Variants in ZNF653 observed in about 807,000 individuals in gnomAD.
ZNF653 encodes the protein zinc finger protein 653, also known as 67 kDa zinc finger protein.
ZNF653 carries 37 observed loss-of-function variants against 59.9 expected under a neutral mutation model. The observed-to-expected ratio is 0.62, with a 90% confidence interval of 0.48 to 0.81. The LOEUF is 0.81. Among genes scored for constraint, ZNF653 ranks in the 40% least tolerant of loss-of-function variants. ZNF653 has a pLI of 0.00. For missense variants in ZNF653, 808 were observed against 881.1 expected, an observed-to-expected ratio of 0.92 and a Z score of 1.05; for synonymous variants, 435 against 371.8, an observed-to-expected ratio of 1.17 and a Z score of -1.96.
intron 2 of ZNF653, 121 bp downstream of exon 2, chr19:11,498,175 C>G: frequency 1.5e-6 from 2 of 1,337,350 alleles, no homozygotes; most frequent in Non-Finnish European, 2.1e-6. Context: ...GGTTTGAGGT[C>G]GGGCTCTGCT....
At chr19:11,497,569 AG>A (rs1280551260) in intron 2 of ZNF653, among the ~76,000 whole-genome samples, 1 of 152,214 alleles carries the variant, frequency 6.6e-6, no homozygotes, top group Non-Finnish European at 1.5e-5. Flanking sequence ...CTGGGCACAC[AG>A]TGAGTGCTGG....
intron 3 of ZNF653, among the ~76,000 whole-genome samples, chr19:11,494,571 T>C (rs1971564944): frequency 6.6e-6 from 1 of 152,100 alleles, no homozygotes; most frequent in African/African-American, 2.4e-5. Flanking sequence ...ATGCCTGTAA[T>C]CCCAGCTACT....
chr19:11,486,793 GA>G lies in ZNF653; in HGVS notation c.1430del (p.Val477AlafsTer43). The G allele has an allele frequency of 6.2e-7, 1 of 1,610,228 alleles. No individual in the cohort carries two copies. Among genetic ancestry groups the G allele is most frequent in the Non-Finnish European group, 8.5e-7 (1 of 1,178,444 alleles). On this transcript the variant is annotated frameshift_variant, in exon 6 of 9. Transcript: ENST00000293771. LOFTEE classifies it high-confidence loss of function. ...FHCPYEGCSQ[V>X]YVALSSFQNH... ...CCTGGAAGCTGCTGAGGGCCACGTA[GA>G]CTTGGCTGCAGCCCTCGTATGGGCA...
intron 7 of ZNF653, 91 bp downstream of exon 7, chr19:11,485,565 A>G: frequency 1.0e-6 from 1 of 988,542 alleles, no homozygotes; most frequent in Non-Finnish European, 1.6e-6. Context: ...GAGACCCAGC[A>G]CTGGGCTTTG....
At chr19:11,483,906 G>A in intron 8 of ZNF653, 47 bp from the exon 9 acceptor site, 1 of 1,515,356 alleles carries the variant, frequency 6.6e-7, no homozygotes, top group Non-Finnish European at 8.9e-7. Flanking sequence ...AGTGGGCGGG[G>A]CGGGGCGGGG....
intron 3 of ZNF653, among the ~76,000 whole-genome samples, chr19:11,489,224 G>T (rs1032904549): frequency 6.6e-6 from 1 of 151,062 alleles, no homozygotes; most frequent in Non-Finnish European, 1.5e-5. Flanking sequence ...TTTTGAGATG[G>T]AGTCTCCCTC....
At chr19:11,496,243 G>A in intron 2 of ZNF653, 78 bp from the exon 3 acceptor site, 1 of 1,428,610 alleles carries the variant, frequency 7.0e-7, no homozygotes, top group Non-Finnish European at 9.6e-7. Context: ...AACCACCGGG[G>A]CTTTATGGGT....
chr19:11,491,428 T>C (rs1287353641), intron 3 of ZNF653, among the ~76,000 whole-genome samples: 1 of 152,166 alleles, frequency 6.6e-6, no homozygotes, highest in Non-Finnish European at 1.5e-5. Flanking sequence ...AGGCTTTGTA[T>C]GTGGGAAACA....
chr19:11,485,737 T>G lies in ZNF653; in HGVS notation c.1489A>C (p.Thr497Pro). 6.2e-7 allele frequency: 1 copy of G among 1,613,918 alleles called. No individual in the cohort carries two copies. ...HVNLVHRKGK[T>P]KVCPHPGCGK... is the part of the protein sequence containing the mutation. ...CAGCCAGGATGAGGGCACACTTTGGTCTTTCCTTTCCGATGCACAAGATTG... is the reference window on the plus strand; with the variant it reads ...CAGCCAGGATGAGGGCACACTTTGGGCTTTCCTTTCCGATGCACAAGATTG... The change falls in exon 7 of 9, where the codon ACC (threonine) becomes CCC (proline). Residue 497 changes from threonine to proline, a missense_variant. Thr to Pro is a conservative substitution (Grantham distance 38). Coordinates refer to ENST00000293771, the MANE Select transcript of ZNF653 (RefSeq NM_138783.4).
intron 2 of ZNF653, 40 bp downstream of exon 2, chr19:11,498,256 C>G: frequency 6.2e-7 from 1 of 1,613,538 alleles, no homozygotes; most frequent in Non-Finnish European, 8.5e-7. Flanking sequence ...CCCACCGCTC[C>G]CAACTCTCCC....
Position 11,505,824 on chromosome 19 carries a change from G to A in ZNF653, c.-38C>T. ...GGTTACCAGCCTCCCCCGTTGTTAGGAGCCAGACCGGAAGTGGCGCGCATC... is the reference window on the plus strand; with the variant it reads ...GGTTACCAGCCTCCCCCGTTGTTAGAAGCCAGACCGGAAGTGGCGCGCATC... On this transcript the variant is annotated 5_prime_UTR_variant, in exon 1 of 9. Transcript: ENST00000293771. The A allele has an allele frequency of 7.5e-6, 10 of 1,325,022 alleles. No homozygotes were observed. Among genetic ancestry groups the A allele is most frequent in the Non-Finnish European group, 9.7e-6 (10 of 1,027,948 alleles). The allele number at this position is 1,325,022 out of a possible 1,614,324, so 82.1% of individuals were successfully genotyped here.
chr19:11,499,312 C>A (rs1263149350), intron 1 of ZNF653, among the ~76,000 whole-genome samples: 2 of 152,226 alleles, frequency 1.3e-5, no homozygotes, highest in African/African-American at 4.8e-5. Context: ...TCCTCTTCCC[C>A]TGAGCGGGGC....
chr19:11,498,604 T>C (rs1971612399), intron 1 of ZNF653, among the ~76,000 whole-genome samples: 1 of 151,250 alleles, frequency 6.6e-6, no homozygotes. Flanking sequence ...CCACCACACC[T>C]GGCTAATTTT....
chr19:11,491,155 C>T (rs547115818), intron 3 of ZNF653, among the ~76,000 whole-genome samples: 78 of 152,350 alleles, frequency 5.1e-4, no homozygotes, highest in Non-Finnish European at 2.4e-4. Flanking sequence ...CTCTTTACCT[C>T]CTGTGAAAGA....
At chr19:11,497,566 C>T (rs1971601499) in intron 2 of ZNF653, among the ~76,000 whole-genome samples, 1 of 152,180 alleles carries the variant, frequency 6.6e-6, no homozygotes, top group African/African-American at 2.4e-5. Flanking sequence ...AGGCTGGGCA[C>T]ACAGTGAGTG....
chr19:11,503,481 G>A (rs1568398224), intron 1 of ZNF653, among the ~76,000 whole-genome samples: 1 of 152,060 alleles, frequency 6.6e-6, no homozygotes, highest in African/African-American at 2.4e-5. Context: ...TCTCATGGAC[G>A]ATACAATTTA....
intron 3 of ZNF653, among the ~76,000 whole-genome samples, chr19:11,492,453 G>A (rs981221561): frequency 1.3e-5 from 2 of 152,116 alleles, no homozygotes; most frequent in African/African-American, 2.4e-5. Flanking sequence ...AGGTTCAAGC[G>A]ATCCTCCTGC....
chr19:11,495,928 T>TGCCCTC lies in ZNF653; in HGVS notation c.559+16_559+21dup. On this transcript the variant is annotated intron_variant, in intron 3 of 8. Coordinates refer to ENST00000293771, the MANE Select transcript of ZNF653 (RefSeq NM_138783.4). This position sits in a 1 kb window ranked among gnomAD's most constrained non-coding sequence, Gnocchi z 4.9. Reference sequence around the variant, plus strand: ...CCCCAGAAATGGGCGGCCCCCTATGTGCCCTCGCCCTGCAGACCTACCTTT... The same window carrying TGCCCTC: ...CCCCAGAAATGGGCGGCCCCCTATGTGCCCTCGCCCTCGCCCTGCAGACCTACCTTT... The TGCCCTC allele has an allele frequency of 6.2e-7, 1 of 1,608,086 alleles. No homozygotes were observed. Among genetic ancestry groups the TGCCCTC allele is most frequent in the Non-Finnish European group, 8.5e-7 (1 of 1,177,266 alleles).
At position 11,485,961 on chromosome 19, in the gene ZNF653, A is replaced by AT. The variant is rs559923503; in HGVS notation, c.1456-192dup. 2.3e-3 allele frequency among the ~76,000 whole-genome samples: 349 copies of AT among 151,374 alleles called. 1 individual carries two copies. Among genetic ancestry groups the AT allele is most frequent in the African/African-American group, 8.1e-3 (333 of 41,222 alleles). On this transcript the variant is annotated intron_variant, in intron 6 of 8. Transcript: ENST00000293771. Reference sequence around the variant, plus strand: ...GTCAAAGGGTAGCTTTATTTTTTTTATTTTTTGAGATGGAGTCTTGCTCTG... The same window carrying AT: ...GTCAAAGGGTAGCTTTATTTTTTTTATTTTTTTGAGATGGAGTCTTGCTCTG...
Sources: allele counts gnomAD v4.1 joint callset (sites outside exome capture counted in the v4.1 genomes callset), GRCh38; gene constraint gnomAD v4.1.1; non-coding constraint Gnocchi (gnomAD v3.1); transcripts MANE v1.5; gene names NCBI Gene and HGNC (gene_info 2026-07-23, HGNC 2026-07-21).